NFIX: variants seen among roughly 807,000 people sequenced by gnomAD.
NFIX encodes the protein nuclear factor 1 X-type.
In NFIX, 2 loss-of-function variants were observed where a neutral mutation model predicts 53.3. That is an observed-to-expected ratio of 0.04 (90% CI 0.02 to 0.12). The LOEUF (loss-of-function observed/expected upper bound fraction) is 0.12. NFIX is among the 10% of genes least tolerant of loss of function. The pLI is 1.00. For missense variants in NFIX, 310 were observed against 674.5 expected (o/e 0.46, Z 5.99); for synonymous variants, 244 against 289.0 (o/e 0.84, Z 1.58).
chr19:13,024,833 T>C lies in NFIX; in HGVS notation c.28-188T>C, dbSNP rs952747969. 39 of 1,346,082 alleles carry C rather than the reference T, an allele frequency of 2.9e-5. No homozygotes were observed. In the African/African-American group the frequency reaches 4.3e-4, roughly 15 times the overall value. The allele number at this position is 1,346,082 out of a possible 1,614,324, so 83.4% of individuals were successfully genotyped here. A position where few individuals can be genotyped will look rare whatever the true frequency, so the allele number is the denominator to read the frequency against. On this transcript the variant is annotated intron_variant, in intron 1 of 10. Coordinates refer to ENST00000592199, the MANE Select transcript of NFIX (RefSeq NM_001365902.3). The stretch of plus-strand genomic sequence containing the variant: ...AGTGGCTGGCGAAGCTGGTGGTGGC[T>C]TCAAACCACACTTTCGTAGAACAAT...
Position 13,075,419 on chromosome 19 carries a change from G to GGCACC in NFIX, c.819-115_819-111dup, listed in dbSNP as rs1415711363. On this transcript the variant is annotated intron_variant, in intron 5 of 10. Transcript: ENST00000592199. ...GTGCCCAGAAATGCTGCTGTCGGCCGGCACCACTCCCCACCCAGAGGGCCA... is the reference window on the plus strand; with the variant it reads ...GTGCCCAGAAATGCTGCTGTCGGCCGGCACCGCACCACTCCCCACCCAGAGGGCCA... 3.4e-6 allele frequency: 4 copies of GGCACC among 1,164,926 alleles called. No individual in the cohort carries two copies. The African/African-American group carries it at 6.2e-5, about 18-fold the overall frequency. The allele number at this position is 1,164,926 out of a possible 1,614,324, so 72.2% of individuals were successfully genotyped here. A position where few individuals can be genotyped will look rare whatever the true frequency, so the allele number is the denominator to read the frequency against.
intron 2 of NFIX, among the ~76,000 whole-genome samples, chr19:13,042,790 T>C (rs1188598516): frequency 5.5e-5 from 8 of 146,344 alleles, no homozygotes; most frequent in Admixed American, 2.9e-4. Context: ...TCTGCTGGGA[T>C]GGACATCCTA....
chr19:13,078,802 C>CGAGTATCT lies in NFIX; in HGVS notation c.1078+67_1078+68insGAGTATCT. Reference sequence around the variant, plus strand: ...GGCTGAGTATCTAGGGGCAGCTGGCCAGGTGAAGGGGCCAGAGCTGACCCC... The same window carrying CGAGTATCT: ...GGCTGAGTATCTAGGGGCAGCTGGCCGAGTATCTAGGTGAAGGGGCCAGAGCTGACCCC... On this transcript the variant is annotated intron_variant, in intron 7 of 10. Transcript: ENST00000592199. This position sits in a 1 kb window ranked among gnomAD's most constrained non-coding sequence, Gnocchi z 4.7. 3 of 1,525,926 alleles carry CGAGTATCT rather than the reference C, an allele frequency of 2.0e-6. No homozygotes were observed. The African/African-American group carries it at 4.1e-5, about 21-fold the overall frequency. The allele number at this position is 1,525,926 out of a possible 1,614,324, so 94.5% of individuals were successfully genotyped here.
intron 2 of NFIX, among the ~76,000 whole-genome samples, chr19:13,033,767 C>T (rs972153406): frequency 6.6e-6 from 1 of 152,238 alleles, no homozygotes; most frequent in Non-Finnish European, 1.5e-5. Flanking sequence ...TGTGTGTGCA[C>T]TCAGGTGATG....
rs1185984542 is a variant in NFIX, at chr19:13,011,048, C to T, written c.28-13973C>T. On this transcript the variant is annotated intron_variant, in intron 1 of 10. Coordinates refer to ENST00000592199, the MANE Select transcript of NFIX (RefSeq NM_001365902.3). This position sits in a 1 kb window ranked among gnomAD's most constrained non-coding sequence, Gnocchi z 6.5. Reference sequence around the variant, plus strand: ...CCCCTCTTCCCGCTCCACGTTTGTACTTGGATTTTACCACCCCCACTAGGC... The same window carrying T: ...CCCCTCTTCCCGCTCCACGTTTGTATTTGGATTTTACCACCCCCACTAGGC... Among the ~76,000 whole-genome samples, 2 of 152,166 alleles carry T rather than the reference C, an allele frequency of 1.3e-5. No individual in the cohort carries two copies. Among genetic ancestry groups the T allele is most frequent in the Non-Finnish European group, 2.9e-5 (2 of 68,022 alleles).
In NFIX at chr19:12,995,806, C is replaced by T. The variant is rs956928019; in HGVS notation, c.-32C>T. 3 of 984,732 alleles carry T rather than the reference C, an allele frequency of 3.0e-6. No homozygotes were observed. Among genetic ancestry groups the T allele is most frequent in the Admixed American group, 6.1e-5 (1 of 16,310 alleles). 61.0% of individuals were successfully genotyped at this position (984,732 alleles called of 1,614,324 possible). On this transcript the variant is annotated 5_prime_UTR_variant, in exon 1 of 11. Coordinates refer to ENST00000592199, the MANE Select transcript of NFIX (RefSeq NM_001365902.3). ...CTGCCGGGCCTCCCCTCGCCGCGGC[C>T]GGCCGCCGCGCTCCCGCCCGGGCGC...
At chr19:13,076,027 C>G (rs577890151) in intron 6 of NFIX, among the ~76,000 whole-genome samples, 2 of 152,188 alleles carry the variant, frequency 1.3e-5, no homozygotes, top group African/African-American at 4.8e-5. Context: ...GTTTCTCACC[C>G]TGGGGGCTCA....
At chr19:13,047,078 TAGGTTGTAATGGAGA>T (rs2015039127) in intron 2 of NFIX, among the ~76,000 whole-genome samples, 2 of 152,082 alleles carry the variant, frequency 1.3e-5, no homozygotes, top group South Asian at 4.2e-4. Context: ...GCTCTGAGGG[TAGGTTGTAATGGAGA>T]CTGTTTCTCC....
intron 7 of NFIX, among the ~76,000 whole-genome samples, chr19:13,080,728 C>A (rs569234930): frequency 6.6e-6 from 1 of 152,050 alleles, no homozygotes; most frequent in Non-Finnish European, 1.5e-5. Context: ...TGGCTGGGCG[C>A]GGTGTCTCAC....
At chr19:13,076,699 G>A (rs981823484) in intron 6 of NFIX, among the ~76,000 whole-genome samples, 2 of 152,224 alleles carry the variant, frequency 1.3e-5, no homozygotes, top group Admixed American at 6.5e-5. Context: ...TTTGTCTGAT[G>A]TTTTCCAGAT....
intron 1 of NFIX, among the ~76,000 whole-genome samples, chr19:13,017,869 G>C (rs1382441307): frequency 6.6e-6 from 1 of 152,174 alleles, no homozygotes; most frequent in Non-Finnish European, 1.5e-5. Context: ...CTCTTCCCGG[G>C]CCCTTGGCCA....
intron 1 of NFIX, among the ~76,000 whole-genome samples, chr19:13,020,799 G>A (rs1229240705): frequency 6.6e-6 from 1 of 152,212 alleles, no homozygotes; most frequent in South Asian, 2.1e-4. Flanking sequence ...GGAGCCAGTC[G>A]TGCATCTTGT....
Position 13,095,789 on chromosome 19 carries a change from C to G in NFIX, c.*1140C>G, listed in dbSNP as rs529270165. On this transcript the variant is annotated 3_prime_UTR_variant, in exon 11 of 11. Transcript: ENST00000592199. ...GGAGGGTGTTGGGTGTCGTCCTTTT[C>G]AAAAGTGTTTTGGAGCTTTCTGTGC... 14 of 152,398 alleles carry G rather than the reference C, an allele frequency of 9.2e-5. No individual in the cohort carries two copies. Among genetic ancestry groups the G allele is most frequent in the African/African-American group, 2.6e-4 (11 of 41,576 alleles). 9.4% of individuals were successfully genotyped at this position (152,398 alleles called of 1,614,324 possible). A position where few individuals can be genotyped will look rare whatever the true frequency, so the allele number is the denominator to read the frequency against.
intron 1 of NFIX, among the ~76,000 whole-genome samples, chr19:13,000,050 C>T (rs920525332): frequency 6.6e-6 from 1 of 152,226 alleles, no homozygotes; most frequent in Non-Finnish European, 1.5e-5. Context: ...GCTCCAGTCT[C>T]TCTAGGGCCT....
At position 13,060,825 on chromosome 19, in the gene NFIX, G is replaced by A. The variant is rs1395718450; in HGVS notation, c.560-12222G>A. Among the ~76,000 whole-genome samples, 1 of 152,076 alleles carries A rather than the reference G, an allele frequency of 6.6e-6. No individual in the cohort carries two copies. The highest frequency in any genetic ancestry group is 1.5e-5 in the Non-Finnish European group (1 of 67,994). On this transcript the variant is annotated intron_variant, in intron 2 of 10. Coordinates refer to ENST00000592199, the MANE Select transcript of NFIX (RefSeq NM_001365902.3). The surrounding 1 kb of genome is among the most constrained non-coding windows in gnomAD (Gnocchi z 4.3). ...AACAAAGGGGCCTTTCTCCACGCCC[G>A]CCCGGGAGGGTGTGCCCGCCCGGCT...
intron 1 of NFIX, among the ~76,000 whole-genome samples, chr19:13,008,941 G>T (rs772002813): frequency 2.0e-5 from 3 of 152,212 alleles, no homozygotes; most frequent in Non-Finnish European, 2.9e-5. Context: ...TCCTCCTGCA[G>T]TTCCAGAGAG....
At position 13,072,952 on chromosome 19, in the gene NFIX, C is replaced by T; in HGVS notation, c.560-95C>T. 8.1e-7 allele frequency: 1 copy of T among 1,238,420 alleles called. No individual in the cohort carries two copies. Among genetic ancestry groups the T allele is most frequent in the Non-Finnish European group, 1.2e-6 (1 of 838,138 alleles). 76.7% of individuals were successfully genotyped at this position (1,238,420 alleles called of 1,614,324 possible). ...GTTTCTGTAGCCAGGGTGGGCCGTC[C>T]CTGCTCTTGCACCAGGCTGGAGGGG... On this transcript the variant is annotated intron_variant, in intron 2 of 10. Coordinates refer to ENST00000592199, the MANE Select transcript of NFIX (RefSeq NM_001365902.3). This position sits in a 1 kb window ranked among gnomAD's most constrained non-coding sequence, Gnocchi z 4.0.
rs1305731277 is a variant in NFIX at position 13,060,627 on chromosome 19, G to GC, written c.560-12420_560-12419insC. 6.6e-6 allele frequency among the ~76,000 whole-genome samples: 1 copy of GC among 152,192 alleles called. No individual in the cohort carries two copies. Among genetic ancestry groups the GC allele is most frequent in the Non-Finnish European group, 1.5e-5 (1 of 68,024 alleles). ...GTGACCCTTGGTGCCTGGCAAGGCG[G>GC]GGGGGTAGGGAGCAGCCCTCGCACA... On this transcript the variant is annotated intron_variant, in intron 2 of 10. Coordinates refer to ENST00000592199, the MANE Select transcript of NFIX (RefSeq NM_001365902.3). This position sits in a 1 kb window ranked among gnomAD's most constrained non-coding sequence, Gnocchi z 4.3.
chr19:13,074,719 TA>T (rs1568317647), intron 5 of NFIX, among the ~76,000 whole-genome samples: 2 of 150,198 alleles, frequency 1.3e-5, no homozygotes, highest in Admixed American at 6.6e-5. Flanking sequence ...TTTTTTTTTT[TA>T]AAACGGGTGT....
Sources: allele counts gnomAD v4.1 joint callset (sites outside exome capture counted in the v4.1 genomes callset), GRCh38; gene constraint gnomAD v4.1.1; non-coding constraint Gnocchi (gnomAD v3.1); transcripts MANE v1.5; gene names NCBI Gene and HGNC (gene_info 2026-07-23, HGNC 2026-07-21).